The following OTOF variants were observed in gnomAD, a reference collection of about 807,000 sequenced individuals.
OTOF encodes fer-1-like family member 2.
A neutral mutation model predicts 236.8 loss-of-function variants in OTOF; 218 were observed. The ratio of observed to expected loss-of-function variants is 0.92; its 90% CI spans 0.82 to 1.03. The LOEUF (loss-of-function observed/expected upper bound fraction) is 1.03. Ranked by LOEUF, OTOF falls within the 50% of genes least tolerant of loss-of-function variation. The pLI is 0.00. For missense variants in OTOF, 2,590 were observed against 2,694.4 expected, an observed-to-expected ratio of 0.96 and a Z score of 0.86; for synonymous variants, 1,041 against 1,072.5, an observed-to-expected ratio of 0.97 and a Z score of 0.57.
chr2:26,532,500 CTG>C (rs1666974077), intron 2 of OTOF, among the ~76,000 whole-genome samples: 1 of 152,216 alleles, frequency 6.6e-6, no homozygotes, highest in Non-Finnish European at 1.5e-5. Flanking sequence ...GTGCCAGGCT[CTG>C]TGCATGACGC....
chr2:26,548,102 T>G (rs1308295216), intron 1 of OTOF, among the ~76,000 whole-genome samples: 1 of 152,240 alleles, frequency 6.6e-6, no homozygotes, highest in African/African-American at 2.4e-5. Flanking sequence ...ATATTTTCCT[T>G]TAAATGTAAT....
Position 26,462,019 on chromosome 2 carries a change from C to T in OTOF, c.5291+64G>A. On this transcript the variant is annotated intron_variant, in intron 42 of 46. Coordinates refer to ENST00000272371, the MANE Select transcript of OTOF (RefSeq NM_194248.3). This position sits in a 1 kb window ranked among gnomAD's most constrained non-coding sequence, Gnocchi z 4.7. ...CAGCCACCTTCCCTCTGCCTCCTCT[C>T]CTGCCCCCCGGGAAGCAAGCCCCAC... The T allele has an allele frequency of 1.2e-6, 2 of 1,612,800 alleles. No homozygotes were observed. Among genetic ancestry groups the T allele is most frequent in the South Asian group, 1.1e-5 (1 of 91,040 alleles).
chr2:26,463,955 A>G lies in OTOF; in HGVS notation c.5103+9T>C. ...CCAAGAACCCCAGTCTTGGCCATGCAAGTGTCACCTGCTCGATGCCCGGCT... is the reference window on the plus strand; with the variant it reads ...CCAAGAACCCCAGTCTTGGCCATGCGAGTGTCACCTGCTCGATGCCCGGCT... On this transcript the variant is annotated intron_variant, in intron 40 of 46. Transcript: ENST00000272371. 1 of 1,613,758 alleles carries G rather than the reference A, an allele frequency of 6.2e-7. No individual in the cohort carries two copies.
At chr2:26,513,982 T>G (rs1248286770) in intron 5 of OTOF, among the ~76,000 whole-genome samples, 1 of 152,208 alleles carries the variant, frequency 6.6e-6, no homozygotes, top group African/African-American at 2.4e-5. Flanking sequence ...CAGAACTCAA[T>G]GGCCCCATAT....
At chr2:26,472,292 A>T in intron 30 of OTOF, 2 of 593,858 alleles carry the variant, frequency 3.4e-6, no homozygotes, top group South Asian at 1.8e-5. Flanking sequence ...CACCACACAC[A>T]TGCGCACACA....
chr2:26,461,176 C>A lies in OTOF; in HGVS notation c.5534-146G>T. ...CATCCTCCTGCCTCACTCCCAGCAA[C>A]TGGCCTCAATGCAGGCATCCTCGTG... On this transcript the variant is annotated intron_variant, in intron 43 of 46. Transcript: ENST00000272371. This position sits in a 1 kb window ranked among gnomAD's most constrained non-coding sequence, Gnocchi z 6.2. 1.3e-6 allele frequency: 1 copy of A among 770,284 alleles called. No individual in the cohort carries two copies. The allele number at this position is 770,284 out of a possible 1,614,324, so 47.7% of individuals were successfully genotyped here.
intron 3 of OTOF, among the ~76,000 whole-genome samples, chr2:26,522,917 G>A (rs571765862): frequency 8.5e-4 from 129 of 152,322 alleles, no homozygotes; most frequent in Non-Finnish European, 1.6e-3. Context: ...AGGCTGTCTG[G>A]CCCCACGAGG....
Position 26,475,434 on chromosome 2 carries a change from C to A in OTOF, c.3051G>T (p.Glu1017Asp). Reference sequence around the variant, plus strand: ...TCAGCTCATGAGCTTCACCATAGAGCTCCAGGTTGTCGAACACCAGCATCT... The same window carrying A: ...TCAGCTCATGAGCTTCACCATAGAGATCCAGGTTGTCGAACACCAGCATCT... The part of the protein sequence containing the change: ...WDQMLVFDNL[E>D]LYGEAHELRD... The change falls in exon 25 of 47, where the codon GAG (glutamate) becomes GAT (aspartate). Residue 1017 changes from glutamate (E) to aspartate (D), a missense_variant. Glu to Asp is a conservative substitution (Grantham distance 45). Transcript: ENST00000272371. The A allele has an allele frequency of 6.2e-7, 1 of 1,613,190 alleles. No homozygotes were observed.
At chr2:26,466,906 C>T in intron 35 of OTOF, 55 bp from the exon 36 acceptor site, 1 of 1,611,854 alleles carries the variant, frequency 6.2e-7, no homozygotes, top group East Asian at 2.2e-5. Flanking sequence ...GGGTGGCATT[C>T]AAAATAGCTA....
In OTOF at chr2:26,479,280, T is replaced by C; in HGVS notation, c.2198A>G (p.His733Arg). ...GGCCCTGACCAGCTTGTCGGCAATG[T>C]GGTCCATGATGTTGGCATTGTAGAG... The part of the protein sequence containing the change: ...RRLYNANIMD[H>R]IADKLEEGLN... The change falls in exon 18 of 47, where the codon CAC (histidine) becomes CGC (arginine). Residue 733 changes from histidine to arginine, a missense_variant. Physicochemically the swap from His to Arg is conservative, Grantham distance 29. Coordinates refer to ENST00000272371, the MANE Select transcript of OTOF (RefSeq NM_194248.3). The C allele has an allele frequency of 6.2e-7, 1 of 1,612,884 alleles. No individual in the cohort carries two copies. Among genetic ancestry groups the C allele is most frequent in the Non-Finnish European group, 8.5e-7 (1 of 1,179,954 alleles).
chr2:26,467,495 T>A lies in OTOF; in HGVS notation c.4097A>T (p.Lys1366Met), dbSNP rs55758144. 21 of 1,613,848 alleles carry A rather than the reference T, an allele frequency of 1.3e-5. No homozygotes were observed. The highest frequency in any genetic ancestry group is 1.8e-5 in the Non-Finnish European group (21 of 1,179,926). The change falls in exon 34 of 47, where the codon AAG becomes ATG. Residue 1366 changes from lysine (K) to methionine (M), a missense_variant. Transcript: ENST00000272371. ...CTTCTCCTTGCCCTTCATTGACCCC[T>A]TCAGGCCTGGCCAGAAGCAGAAAAG... ...KEEVDNTEGL[K>M]GSMKGKEKAR...
intron 6 of OTOF, 25 bp downstream of exon 6, chr2:26,503,747 G>A: frequency 6.2e-7 from 1 of 1,604,192 alleles, no homozygotes; most frequent in East Asian, 2.2e-5. Context: ...GCGGGGCTGC[G>A]GGGCTCACGC....
chr2:26,480,571 G>A (rs1468754893), intron 15 of OTOF, among the ~76,000 whole-genome samples: 5 of 152,358 alleles, frequency 3.3e-5, no homozygotes, highest in South Asian at 2.1e-4. Context: ...CCTGGCGGCC[G>A]TTGTGAGACA....
In OTOF at chr2:26,544,881, C is replaced by CAA. The variant is rs565300604; in HGVS notation, c.80-7109_80-7108dup. 4.9e-3 allele frequency among the ~76,000 whole-genome samples: 729 copies of CAA among 148,216 alleles called. 10 individuals carry two copies. Among genetic ancestry groups the CAA allele is most frequent in the African/African-American group, 0.017 (695 of 40,538 alleles). On this transcript the variant is annotated intron_variant, in intron 1 of 46. Coordinates refer to ENST00000272371, the MANE Select transcript of OTOF (RefSeq NM_194248.3). The stretch of plus-strand genomic sequence containing the variant: ...TGAAACCCTGTCTCTACTAAAAATA[C>CAA]AAAAAAAAAATTAGCCAGGCGTGGT...
chr2:26,503,795 T>G lies in OTOF; in HGVS notation c.560A>C (p.His187Pro). ...SAMKLGKNRS[H>P]KEEPQRPDEP... Reference sequence around the variant, plus strand: ...ACCTGGTCTTTGGGGCTCCTCCTTGTGAGACCGGTTTTTGCCGAGCTTCAT... The same window carrying G: ...ACCTGGTCTTTGGGGCTCCTCCTTGGGAGACCGGTTTTTGCCGAGCTTCAT... The change falls in exon 6 of 47, where the codon CAC becomes CCC. Residue 187 changes from histidine to proline, a missense_variant. Around this residue, in one of 2 missense-constraint regions of OTOF, gnomAD observed 1,379 missense variants for 1,341.6 expected, o/e 1.03. Coordinates refer to ENST00000272371, the MANE Select transcript of OTOF (RefSeq NM_194248.3). The G allele has an allele frequency of 6.2e-7, 1 of 1,614,024 alleles. No homozygotes were observed. The highest frequency in any genetic ancestry group is 8.5e-7 in the Non-Finnish European group (1 of 1,179,920).
rs556635620 is a variant in OTOF, at chr2:26,536,225, A to G, written c.138+1491T>C. On this transcript the variant is annotated intron_variant, in intron 2 of 46. Transcript: ENST00000272371. Reference sequence around the variant, plus strand: ...GGGCAGCCATGATTCCACTCTCACCATAACCCTTCATTTTGTTCATCATTT... The same window carrying G: ...GGGCAGCCATGATTCCACTCTCACCGTAACCCTTCATTTTGTTCATCATTT... Among the ~76,000 whole-genome samples the G allele has an allele frequency of 1.6e-4, 25 of 152,184 alleles. No individual in the cohort carries two copies. In the South Asian group the frequency reaches 4.8e-3, roughly 29 times the overall value.
At chr2:26,524,928 G>C (rs975027965) in intron 3 of OTOF, among the ~76,000 whole-genome samples, 11 of 152,154 alleles carry the variant, frequency 7.2e-5, no homozygotes, top group African/African-American at 2.7e-4. Flanking sequence ...GTTCCTTCAG[G>C]GGCTCTCAGG....
At chr2:26,523,699 A>G (rs1177082235) in intron 3 of OTOF, among the ~76,000 whole-genome samples, 1 of 152,176 alleles carries the variant, frequency 6.6e-6, no homozygotes, top group Admixed American at 6.5e-5. Context: ...TTTATTCCAC[A>G]AAATAATCAG....
At chr2:26,532,499 TCTGTGCATGACG>T (rs1666973997) in intron 2 of OTOF, among the ~76,000 whole-genome samples, 1 of 152,206 alleles carries the variant, frequency 6.6e-6, no homozygotes, top group South Asian at 2.1e-4. Flanking sequence ...TGTGCCAGGC[TCTGTGCATGACG>T]CTGTGCAGAA....
Sources: gnomAD v4.1 joint callset for allele counts (sites outside exome capture counted in the v4.1 genomes callset) on GRCh38, gnomAD v4.1.1 for gene constraint, gnomAD v4.1.1 regional missense constraint, Gnocchi (gnomAD v3.1) non-coding constraint, MANE v1.5 for transcripts, NCBI Gene and HGNC (gene_info 2026-07-23, HGNC 2026-07-21) for gene names.